Variants in RSRP1 observed in about 807,000 individuals in gnomAD.
RSRP1 encodes arginine/serine-rich protein 1.
Under a neutral mutation model 33.0 loss-of-function variants are expected in RSRP1, and 37 were observed. The observed-to-expected ratio is 1.12, with a 90% CI of 0.86 to 1.48. The LOEUF is 1.48. Ranked by LOEUF, RSRP1 falls within the 40% of genes most tolerant of loss-of-function variation. The pLI is 0.00. For missense variants in RSRP1, 402 were observed against 385.3 expected (o/e 1.04, Z -0.36); for synonymous variants, 167 against 158.7 (o/e 1.05, Z -0.40).
At position 25,274,612 on chromosome 1, in the gene RSRP1, G is replaced by A. The variant is rs1252118685; in HGVS notation, c.-66-27583C>T. Among the ~76,000 whole-genome samples, 4 of 133,674 alleles carry A rather than the reference G, an allele frequency of 3.0e-5. 1 individual carries two copies. The East Asian group carries it at 7.8e-4, about 26-fold the overall frequency. The allele number at this position is 133,674 out of a possible 152,430, so 87.7% of individuals were successfully genotyped here. On this transcript the variant is annotated intron_variant, in intron 1 of 1. Coordinates refer to the RSRP1 transcript ENST00000561867. The stretch of plus-strand genomic sequence containing the variant: ...CAGTAGGAATTACCTGTGGGACAAA[G>A]GAGGGTCATCCAAGTGAGGGCACAG...
intron 1 of RSRP1, among the ~76,000 whole-genome samples, chr1:25,302,238 G>A (rs1231801697): frequency 7.7e-6 from 1 of 130,382 alleles, no homozygotes; most frequent in East Asian, 2.0e-4. Flanking sequence ...GCTGCTATTA[G>A]TAAAGAGAGA....
chr1:25,334,718 C>T (rs1340237049), intron 1 of RSRP1, among the ~76,000 whole-genome samples: 7 of 133,094 alleles, frequency 5.3e-5, no homozygotes, highest in African/African-American at 1.5e-4. Context: ...GACTTCTGTG[C>T]ACTCGCAGTC....
At chr1:25,282,185 A>G (rs1641544043) in intron 1 of RSRP1, among the ~76,000 whole-genome samples, 1 of 133,018 alleles carries the variant, frequency 7.5e-6, no homozygotes, top group East Asian at 1.9e-4. Context: ...TAAGCAACTT[A>G]CAAGACCACA....
chr1:25,286,198 A>C (rs1483250806), intron 1 of RSRP1, among the ~76,000 whole-genome samples: 1 of 135,396 alleles, frequency 7.4e-6, no homozygotes, highest in East Asian at 1.9e-4. Flanking sequence ...CTTTTTTAAA[A>C]GGTTTAGAGG....
At chr1:25,300,806 CTGGG>C in intron 1 of RSRP1, 1 of 983,632 alleles carries the variant, frequency 1.0e-6, no homozygotes, top group Non-Finnish European at 1.6e-6. Context: ...CTGGGTTGGG[CTGGG>C]TAAGCTCTGA....
At chr1:25,267,712 G>C (rs1437919768) in intron 1 of RSRP1, 1 of 132,446 alleles carries the variant, frequency 7.6e-6, no homozygotes, top group African/African-American at 2.6e-5. Context: ...CTGCGCGGCC[G>C]ACCCCAGTAC....
rs41267487 is a variant in RSRP1 at position 25,290,633 on chromosome 1, T to A, written c.-66-43604A>T. 2.8e-5 allele frequency: 38 copies of A among 1,374,388 alleles called. 9 individuals carry two copies. The highest frequency in any genetic ancestry group is 9.0e-5 in the East Asian group (4 of 44,664). 85.1% of individuals were successfully genotyped at this position (1,374,388 alleles called of 1,614,324 possible). ...CTCAGTCGTCCTGGCTCTCCCTCTC[T>A]CCCCCAGTATTCGGCTGGCCACCAT... On this transcript the variant is annotated intron_variant, in intron 1 of 1. Transcript: ENST00000561867.
rs1642371653 is a variant in RSRP1 at position 25,290,245 on chromosome 1, TCTGTTGAGCATCC to T, written c.-66-43229_-66-43217del. Among the ~76,000 whole-genome samples, 5 of 127,072 alleles carry T rather than the reference TCTGTTGAGCATCC, an allele frequency of 3.9e-5. 2 individuals are homozygous for T. The highest frequency in any genetic ancestry group is 1.4e-4 in the African/African-American group (5 of 36,594). 83.4% of individuals were successfully genotyped at this position (127,072 alleles called of 152,430 possible). A position where few individuals can be genotyped will look rare whatever the true frequency, so the allele number is the denominator to read the frequency against. ...GCAGGCCTGCGGGGGAAGAGTGCCC[TCTGTTGAGCATCC>T]GAATGATGGCAGCAGAAAAGAAGAC... is the stretch of plus-strand genomic sequence containing the variant. On this transcript the variant is annotated intron_variant, in intron 1 of 1. Coordinates refer to the RSRP1 transcript ENST00000561867.
chr1:25,286,683 G>A (rs548649393), intron 1 of RSRP1, among the ~76,000 whole-genome samples: 7 of 134,408 alleles, frequency 5.2e-5, no homozygotes, highest in African/African-American at 1.8e-4. Flanking sequence ...CCACTCGGGA[G>A]GCTGAGGCAG....
rs566264146 is a variant in RSRP1, at chr1:25,291,384, G to A, written c.-66-44355C>T. On this transcript the variant is annotated intron_variant, in intron 1 of 1. Coordinates refer to the RSRP1 transcript ENST00000561867. ...CTCAGGAGGCTGAGGCAAGAGAATC[G>A]CTTGAACCCGAGAGGTGGAGGTTGC... is the stretch of plus-strand genomic sequence containing the variant. Among the ~76,000 whole-genome samples, 60 of 132,096 alleles carry A rather than the reference G, an allele frequency of 4.5e-4. 14 individuals are homozygous for A. The highest frequency in any genetic ancestry group is 1.6e-3 in the Admixed American group (22 of 13,548). The allele number at this position is 132,096 out of a possible 152,430, so 86.7% of individuals were successfully genotyped here.
chr1:25,245,410 TAA>T (rs1348069991), intron 2 of RSRP1, 109 bp from the exon 3 acceptor site: 25 of 1,366,048 alleles, frequency 1.8e-5, no homozygotes, highest in Admixed American at 2.7e-5. Context: ...TTAAATATAT[TAA>T]GTCACTTGTT....
intron 1 of RSRP1, among the ~76,000 whole-genome samples, chr1:25,312,970 G>T (rs1422949436): frequency 1.3e-5 from 1 of 79,192 alleles, no homozygotes; most frequent in African/African-American, 3.7e-5. Flanking sequence ...AGTGCTATTG[G>T]AATGAATTTT....
chr1:25,332,473 C>T (rs1162693057), intron 1 of RSRP1, among the ~76,000 whole-genome samples: 1 of 132,102 alleles, frequency 7.6e-6, no homozygotes, highest in Non-Finnish European at 1.8e-5. Context: ...ACTATAGTCC[C>T]TGTTATTAAG....
At position 25,333,739 on chromosome 1, in the gene RSRP1, C is replaced by T. The variant is rs1471925840; in HGVS notation, c.-67+4239G>A. On this transcript the variant is annotated intron_variant, in intron 1 of 1. Transcript: ENST00000561867. ...CACATGGCTGGGGAGGCCTCACAAT[C>T]ATGGCGAAAGGCAATGAGGAGCAAG... 1.5e-5 allele frequency among the ~76,000 whole-genome samples: 2 copies of T among 129,730 alleles called. 1 individual carries two copies. Among genetic ancestry groups the T allele is most frequent in the Non-Finnish European group, 3.6e-5 (2 of 55,136 alleles). 85.1% of individuals were successfully genotyped at this position (129,730 alleles called of 152,430 possible). A position where few individuals can be genotyped will look rare whatever the true frequency, so the allele number is the denominator to read the frequency against.
At chr1:25,257,129 T>C (rs1405300904) in intron 1 of RSRP1, among the ~76,000 whole-genome samples, 1 of 152,222 alleles carries the variant, frequency 6.6e-6, no homozygotes, top group African/African-American at 2.4e-5. Flanking sequence ...CACTTCAGTA[T>C]TGCCTTCCAA....
Position 25,269,714 on chromosome 1 carries a change from G to A in RSRP1, c.-66-22685C>T, listed in dbSNP as rs576979118. On this transcript the variant is annotated intron_variant, in intron 1 of 1. Transcript: ENST00000561867. ...CTTTTATAAGAGTCAGAGGGGAAGA[G>A]CAAAACCTCTGCTTTTGACAAATCT... 2.6e-4 allele frequency among the ~76,000 whole-genome samples: 34 copies of A among 133,092 alleles called. 8 individuals carry two copies. The highest frequency in any genetic ancestry group is 8.7e-4 in the Admixed American group (12 of 13,758). 87.3% of individuals were successfully genotyped at this position (133,092 alleles called of 152,430 possible).
At chr1:25,247,075 C>G (rs1639506906) in intron 1 of RSRP1, 46 bp from the exon 2 acceptor site, 1 of 1,176,480 alleles carries the variant, frequency 8.5e-7, no homozygotes, top group South Asian at 2.0e-5. Context: ...CGGAAGCCGG[C>G]GCCTGGCCAC....
At chr1:25,283,969 T>C (rs1641727788) in intron 1 of RSRP1, among the ~76,000 whole-genome samples, 1 of 134,594 alleles carries the variant, frequency 7.4e-6, no homozygotes, top group Non-Finnish European at 1.8e-5. Flanking sequence ...CCGGGAAAGG[T>C]GAGGGCTACC....
At chr1:25,292,658 G>A (rs1279433222) in intron 1 of RSRP1, among the ~76,000 whole-genome samples, 1 of 129,310 alleles carries the variant, frequency 7.7e-6, no homozygotes, top group Admixed American at 7.5e-5. Flanking sequence ...TGGGGGAGGG[G>A]GGGTAGAGAT....
Sources: gnomAD v4.1 joint callset for allele counts (sites outside exome capture counted in the v4.1 genomes callset) on GRCh38, gnomAD v4.1.1 for gene constraint, MANE v1.5 for transcripts, NCBI Gene and HGNC (gene_info 2026-07-23, HGNC 2026-07-21) for gene names.